FBXO11: variants seen among roughly 807,000 people sequenced by gnomAD.
FBXO11 encodes F-box protein 11.
FBXO11 carries 13 observed loss-of-function variants against 117.0 expected under a neutral mutation model. The observed-to-expected ratio is 0.11, with a 90% CI of 0.07 to 0.18. The LOEUF is 0.18. FBXO11 is among the 10% of genes least tolerant of loss of function. The probability of loss-of-function intolerance (pLI) is 1.00; values close to 1 mark genes in which losing one functional copy is unlikely to be tolerated. For missense variants in FBXO11, 767 were observed against 1,164.4 expected, an observed-to-expected ratio of 0.66 and a Z score of 4.97; for synonymous variants, 490 against 380.5, an observed-to-expected ratio of 1.29 and a Z score of -3.35.
At chr2:47,828,681 GA>G (rs1279028013) in intron 11 of FBXO11, among the ~76,000 whole-genome samples, 2 of 151,244 alleles carry the variant, frequency 1.3e-5, no homozygotes, top group Non-Finnish European at 2.9e-5. Flanking sequence ...AAAAAAGAGA[GA>G]AAAATGCTAT....
At chr2:47,874,124 G>A (rs1675822344) in intron 1 of FBXO11, among the ~76,000 whole-genome samples, 1 of 152,150 alleles carries the variant, frequency 6.6e-6, no homozygotes, top group Non-Finnish European at 1.5e-5. Context: ...TGAGGCAGGA[G>A]AATCGCTTGA....
intron 1 of FBXO11, among the ~76,000 whole-genome samples, chr2:47,840,446 A>C (rs1286209684): frequency 6.7e-6 from 1 of 148,194 alleles, no homozygotes. Context: ...CTGGTGTATG[A>C]ACATCTTTTT....
intron 11 of FBXO11, among the ~76,000 whole-genome samples, chr2:47,831,341 G>C (rs1450193755): frequency 6.6e-6 from 1 of 150,670 alleles, no homozygotes; most frequent in East Asian, 2.0e-4. Context: ...GCTTGAACCA[G>C]GAGGTGGAGG....
intron 18 of FBXO11, among the ~76,000 whole-genome samples, chr2:47,812,097 A>C (rs189080274): frequency 6.6e-6 from 1 of 151,448 alleles, no homozygotes; most frequent in African/African-American, 2.4e-5. Context: ...CAAACTCCTT[A>C]CTGCATATGG....
At chr2:47,831,427 G>GAAAAAAAAAA (rs920107554) in intron 11 of FBXO11, among the ~76,000 whole-genome samples, 9 of 65,708 alleles carry the variant, frequency 1.4e-4, no homozygotes, top group East Asian at 5.1e-4. Flanking sequence ...GTCTCAAAAA[G>GAAAAAAAAAA]AAAAAAAAAA....
intron 1 of FBXO11, among the ~76,000 whole-genome samples, chr2:47,881,810 C>T (rs1676450494): frequency 1.3e-5 from 2 of 151,950 alleles, no homozygotes; most frequent in African/African-American, 4.8e-5. Flanking sequence ...CAGTGGCATG[C>T]ATAATCTCTC....
At chr2:47,865,353 T>C (rs1675117132) in intron 1 of FBXO11, among the ~76,000 whole-genome samples, 1 of 152,238 alleles carries the variant, frequency 6.6e-6, no homozygotes, top group Non-Finnish European at 1.5e-5. Flanking sequence ...GGGCTACAGG[T>C]GTCCTGTATG....
chr2:47,891,122 T>G (rs1177839170), intron 1 of FBXO11, among the ~76,000 whole-genome samples: 1 of 152,060 alleles, frequency 6.6e-6, no homozygotes, highest in Non-Finnish European at 1.5e-5. Flanking sequence ...CTGCCAAAAC[T>G]ATTACTTTTT....
intron 1 of FBXO11, among the ~76,000 whole-genome samples, chr2:47,850,081 T>C (rs1220837292): frequency 2.0e-5 from 3 of 152,022 alleles, no homozygotes; most frequent in Non-Finnish European, 4.4e-5. Flanking sequence ...GAGAGGAAGA[T>C]GGCTACAGTA....
In FBXO11 at chr2:47,879,451, C is replaced by T. The variant is rs919824326; in HGVS notation, c.232+26038G>A. 2.0e-5 allele frequency among the ~76,000 whole-genome samples: 3 copies of T among 152,188 alleles called. No homozygotes were observed. In the South Asian group the frequency reaches 6.2e-4, roughly 31 times the overall value. On this transcript the variant is annotated intron_variant, in intron 1 of 22. Transcript: ENST00000403359. ...TATGCTGCCCAACTTTTGTTTTTGC[C>T]TAATAAGGGAACTATAATCATTGTA... is the stretch of plus-strand genomic sequence containing the variant.
chr2:47,900,263 G>A (rs781459123), intron 1 of FBXO11, among the ~76,000 whole-genome samples: 6 of 152,070 alleles, frequency 3.9e-5, no homozygotes, highest in Non-Finnish European at 8.8e-5. Context: ...AAAAGGTTGA[G>A]TGGCACTGTC....
At chr2:47,879,434 C>G (rs770531754) in intron 1 of FBXO11, among the ~76,000 whole-genome samples, 10 of 152,136 alleles carry the variant, frequency 6.6e-5, no homozygotes, top group African/African-American at 7.2e-5. Flanking sequence ...AGTATGCTGC[C>G]CAACTTTTGT....
intron 4 of FBXO11, among the ~76,000 whole-genome samples, chr2:47,838,061 CAAAAAAAAAAA>C (rs11286219): frequency 7.7e-5 from 8 of 104,508 alleles, no homozygotes; most frequent in African/African-American, 2.9e-4. Context: ...CCCTTTGTCT[CAAAAAAAAAAA>C]AAAAAAAAAA....
At chr2:47,903,397 T>C (rs927613904) in intron 1 of FBXO11, among the ~76,000 whole-genome samples, 1 of 152,194 alleles carries the variant, frequency 6.6e-6, no homozygotes, top group African/African-American at 2.4e-5. Context: ...GTTGGGTACA[T>C]ACTGAAATTT....
intron 17 of FBXO11, 48 bp from the exon 18 acceptor site, chr2:47,813,425 A>ATTTTTTTTTTTTTTTTTATTTT (rs1670765597): frequency 3.1e-6 from 1 of 327,432 alleles, no homozygotes. Flanking sequence ...TTTCTTTTTA[A>ATTTTTTTTTTTTTTTTTATTTT]TTTTTTTTTT....
At chr2:47,808,275 G>T in intron 22 of FBXO11, 28 bp from the exon 23 acceptor site, 1 of 1,612,562 alleles carries the variant, frequency 6.2e-7, no homozygotes, top group Non-Finnish European at 8.5e-7. Flanking sequence ...CCAAATATTA[G>T]AAAAGTGAGG....
At chr2:47,879,098 GAATATA>G (rs1028612024) in intron 1 of FBXO11, among the ~76,000 whole-genome samples, 4 of 152,082 alleles carry the variant, frequency 2.6e-5, no homozygotes, top group Non-Finnish European at 5.9e-5. Flanking sequence ...AAAAAAATAT[GAATATA>G]AATTATGCAG....
In FBXO11 at chr2:47,834,772, T is replaced by C. The variant is rs1016581815; in HGVS notation, c.801+16A>G. On this transcript the variant is annotated intron_variant, in intron 6 of 22. Coordinates refer to ENST00000403359, the MANE Select transcript of FBXO11 (RefSeq NM_001190274.2). ...AGATTACCATTTTAAGTCATAAAAA[T>C]AAAAATCAAACATACCAACATATTT... 2 of 1,609,044 alleles carry C rather than the reference T, an allele frequency of 1.2e-6. No homozygotes were observed. The highest frequency in any genetic ancestry group is 1.7e-4 in the Middle Eastern group (1 of 6,016).
chr2:47,808,766 G>A (rs956750819), intron 21 of FBXO11: 6 of 276,052 alleles, frequency 2.2e-5, no homozygotes, highest in East Asian at 6.9e-5. Flanking sequence ...ACTTAACCCC[G>A]ACATCTTTAC....
Sources: gnomAD v4.1 joint callset for allele counts (sites outside exome capture counted in the v4.1 genomes callset) on GRCh38, gnomAD v4.1.1 for gene constraint, MANE v1.5 for transcripts, NCBI Gene and HGNC (gene_info 2026-07-23, HGNC 2026-07-21) for gene names.